PDE7B: variants seen among roughly 807,000 people sequenced by gnomAD.
The protein encoded by PDE7B is 3',5'-cyclic-AMP phosphodiesterase 7B.
A neutral mutation model predicts 56.2 loss-of-function variants in PDE7B; 29 were observed. The observed-to-expected ratio is 0.52, with a 90% confidence interval of 0.38 to 0.70. The LOEUF is 0.70. Among genes scored for constraint, PDE7B ranks in the 30% least tolerant of loss-of-function variants. The pLI, the probability that PDE7B is intolerant of heterozygous loss-of-function variation, is 0.00. For synonymous variants in PDE7B, 197 were observed against 196.9 expected, an observed-to-expected ratio of 1.00 and a Z score of 0.00; for missense variants, 490 against 565.0, an observed-to-expected ratio of 0.87 and a Z score of 1.35.
chr6:135,867,554 G>A (rs1775286620), intron 1 of PDE7B, among the ~76,000 whole-genome samples: 1 of 152,104 alleles, frequency 6.6e-6, no homozygotes, highest in South Asian at 2.1e-4. Flanking sequence ...CTACCCATTA[G>A]TTATTTTCCT....
intron 8 of PDE7B, among the ~76,000 whole-genome samples, chr6:136,166,791 A>G (rs1454288052): frequency 3.3e-5 from 5 of 152,122 alleles, no homozygotes; most frequent in Admixed American, 1.3e-4. Flanking sequence ...TTCTCCCCTT[A>G]CCCCTACCAA....
chr6:135,954,209 A>G (rs1425303665), intron 2 of PDE7B, among the ~76,000 whole-genome samples: 1 of 152,226 alleles, frequency 6.6e-6, no homozygotes, highest in Non-Finnish European at 1.5e-5. Flanking sequence ...GAATGTGATT[A>G]TCACAGAAGT....
intron 2 of PDE7B, among the ~76,000 whole-genome samples, chr6:136,007,053 GA>G (rs1397579891): frequency 6.6e-6 from 1 of 152,112 alleles, no homozygotes; most frequent in Non-Finnish European, 1.5e-5. Flanking sequence ...GTCTGTCATA[GA>G]TGGTTCTAAT....
chr6:136,045,044 G>A (rs566669075), intron 2 of PDE7B: 18 of 146,798 alleles, frequency 1.2e-4, no homozygotes, highest in East Asian at 9.7e-4. Flanking sequence ...TGAAAAGCCC[G>A]AAAGTTTCAA....
chr6:135,870,147 C>T (rs551151435), intron 1 of PDE7B, among the ~76,000 whole-genome samples: 2 of 152,202 alleles, frequency 1.3e-5, no homozygotes, highest in East Asian at 1.9e-4. Context: ...TGGGAGATGA[C>T]GATGGCCCGG....
chr6:136,145,191 A>G (rs1001265361), intron 3 of PDE7B, among the ~76,000 whole-genome samples: 28 of 152,084 alleles, frequency 1.8e-4, no homozygotes, highest in East Asian at 1.5e-3. Flanking sequence ...TTCCTTATTT[A>G]TTTACTTATT....
At chr6:136,111,741 C>A (rs1222607583) in intron 3 of PDE7B, among the ~76,000 whole-genome samples, 2 of 152,128 alleles carry the variant, frequency 1.3e-5, no homozygotes, top group African/African-American at 4.8e-5. Context: ...TGGGGATTTT[C>A]TCGTAGAACT....
chr6:135,853,778 G>C (rs1444262462), intron 1 of PDE7B, among the ~76,000 whole-genome samples: 2 of 151,980 alleles, frequency 1.3e-5, no homozygotes, highest in Non-Finnish European at 2.9e-5. Flanking sequence ...TCTAAGATGT[G>C]TCAGGGACAG....
chr6:136,076,428 G>GCGCC lies in PDE7B; in HGVS notation c.83-32302_83-32299dup, dbSNP rs1182937945. Among the ~76,000 whole-genome samples, 6 of 152,230 alleles carry GCGCC rather than the reference G, an allele frequency of 3.9e-5. No homozygotes were observed. The East Asian group carries it at 1.2e-3, about 29-fold the overall frequency. On this transcript the variant is annotated intron_variant, in intron 2 of 12. Coordinates refer to ENST00000308191, the MANE Select transcript of PDE7B (RefSeq NM_018945.4). ...GCGGAGGTTGCAGTGAGCCAAGATT[G>GCGCC]CGCCATTACACTCTAGGCTGGGCAA...
intron 2 of PDE7B, among the ~76,000 whole-genome samples, chr6:136,048,513 T>G (rs527892894): frequency 6.6e-6 from 1 of 151,958 alleles, no homozygotes; most frequent in East Asian, 1.9e-4. Context: ...TGCAACAAAT[T>G]CCAGGGAAGG....
At chr6:135,947,114 A>T (rs1000269454) in intron 1 of PDE7B, among the ~76,000 whole-genome samples, 1 of 152,082 alleles carries the variant, frequency 6.6e-6, no homozygotes, top group African/African-American at 2.4e-5. Context: ...ATAAGGACCA[A>T]TTTTGAGAAT....
At chr6:136,021,094 T>C (rs951203010) in intron 2 of PDE7B, among the ~76,000 whole-genome samples, 6 of 152,194 alleles carry the variant, frequency 3.9e-5, no homozygotes, top group Admixed American at 3.3e-4. Flanking sequence ...TGTTTTCTTA[T>C]GTTTAAATAC....
At chr6:136,119,896 G>A (rs1306479227) in intron 3 of PDE7B, among the ~76,000 whole-genome samples, 2 of 152,104 alleles carry the variant, frequency 1.3e-5, no homozygotes, top group Non-Finnish European at 2.9e-5. Context: ...AAAACACCAG[G>A]ATTCCCCTTG....
intron 9 of PDE7B, 61 bp downstream of exon 9, chr6:136,173,949 T>C: frequency 8.1e-7 from 1 of 1,227,958 alleles, no homozygotes; most frequent in East Asian, 2.3e-5. Context: ...CCACTTTCTC[T>C]AGGGCAGGCT....
intron 2 of PDE7B, among the ~76,000 whole-genome samples, chr6:136,082,814 A>C (rs1777227842): frequency 6.6e-6 from 1 of 152,222 alleles, no homozygotes; most frequent in Non-Finnish European, 1.5e-5. Context: ...GAAGATACAA[A>C]TTTCAAATTT....
intron 2 of PDE7B, among the ~76,000 whole-genome samples, chr6:136,106,589 A>G (rs923541340): frequency 1.3e-5 from 2 of 152,244 alleles, no homozygotes; most frequent in African/African-American, 2.4e-5. Flanking sequence ...AACTGGGACT[A>G]CAGAGCGAAT....
chr6:135,944,800 A>G (rs1205983570), intron 1 of PDE7B, among the ~76,000 whole-genome samples: 4 of 152,228 alleles, frequency 2.6e-5, no homozygotes, highest in Non-Finnish European at 5.9e-5. Context: ...CCCTTGGGCT[A>G]TGATAGCAAA....
intron 2 of PDE7B, among the ~76,000 whole-genome samples, chr6:135,956,805 AAG>A (rs1774803369): frequency 6.6e-6 from 1 of 151,886 alleles, no homozygotes; most frequent in Non-Finnish European, 1.5e-5. Flanking sequence ...GAAAGACAGA[AAG>A]AGCAAGAGAG....
intron 3 of PDE7B, 58 bp downstream of exon 3, chr6:136,108,872 A>G (rs955237130): frequency 3.1e-5 from 34 of 1,103,348 alleles, no homozygotes; most frequent in Non-Finnish European, 4.5e-5. Flanking sequence ...AGAAAAAAAA[A>G]AATCCTCATT....
Sources: gnomAD v4.1 joint callset for allele counts (sites outside exome capture counted in the v4.1 genomes callset) on GRCh38, gnomAD v4.1.1 for gene constraint, MANE v1.5 for transcripts, NCBI Gene and HGNC (gene_info 2026-07-23, HGNC 2026-07-21) for gene names.